ARHGAP44: variants seen among roughly 807,000 people sequenced by gnomAD.
ARHGAP44 encodes rho GTPase-activating protein 44.
Under a neutral mutation model 106.8 loss-of-function variants are expected in ARHGAP44, and 43 were observed. That is an observed-to-expected ratio of 0.40 (90% CI 0.32 to 0.52). ARHGAP44 has a LOEUF of 0.52. Among genes scored for constraint, ARHGAP44 ranks in the 20% least tolerant of loss-of-function variants. The probability of loss-of-function intolerance (pLI) is 0.48; values close to 1 mark genes in which losing one functional copy is unlikely to be tolerated. For missense variants in ARHGAP44, 866 were observed against 1,050.5 expected, an observed-to-expected ratio of 0.82 and a Z score of 2.43; for synonymous variants, 439 against 410.3, an observed-to-expected ratio of 1.07 and a Z score of -0.85.
chr17:12,810,713 C>T (rs760227247), intron 1 of ARHGAP44, among the ~76,000 whole-genome samples: 12 of 152,146 alleles, frequency 7.9e-5, no homozygotes, highest in Admixed American at 3.3e-4. Flanking sequence ...TGCAATTCCA[C>T]GAGGAATCCC....
At chr17:12,890,358 A>G (rs901110189) in intron 1 of ARHGAP44, among the ~76,000 whole-genome samples, 2 of 152,206 alleles carry the variant, frequency 1.3e-5, no homozygotes, top group African/African-American at 4.8e-5. Context: ...AACTCTGTGC[A>G]CCAGCAGAGT....
chr17:12,973,648 T>TC (rs199821124), intron 17 of ARHGAP44: 57 of 483,226 alleles, frequency 1.2e-4, no homozygotes, highest in African/African-American at 9.6e-4. Context: ...AGTTCCACGC[T>TC]CCCCCCTTCG....
At chr17:12,903,085 AG>A (rs2037423293) in intron 3 of ARHGAP44, among the ~76,000 whole-genome samples, 1 of 48,720 alleles carries the variant, frequency 2.1e-5, no homozygotes, top group African/African-American at 7.1e-5. Flanking sequence ...GGAATATATG[AG>A]AGAGAGAGAG....
chr17:12,972,540 C>A (rs1429716162), intron 16 of ARHGAP44, among the ~76,000 whole-genome samples: 1 of 151,650 alleles, frequency 6.6e-6, no homozygotes, highest in Non-Finnish European at 1.5e-5. Flanking sequence ...CCCAGCTACT[C>A]GGGAGGCTGA....
At chr17:12,842,038 G>A (rs1291543390) in intron 1 of ARHGAP44, among the ~76,000 whole-genome samples, 3 of 151,956 alleles carry the variant, frequency 2.0e-5, no homozygotes, top group Non-Finnish European at 4.4e-5. Context: ...AATACAGACA[G>A]CAGTGTTATG....
intron 6 of ARHGAP44, among the ~76,000 whole-genome samples, chr17:12,924,083 G>C (rs2038165331): frequency 6.6e-6 from 1 of 152,172 alleles, no homozygotes; most frequent in South Asian, 2.1e-4. Context: ...ATTCCACATA[G>C]AGACCCTCCG....
At chr17:12,981,555 A>C (rs1231240488) in intron 19 of ARHGAP44, among the ~76,000 whole-genome samples, 2 of 151,644 alleles carry the variant, frequency 1.3e-5, no homozygotes, top group Non-Finnish European at 2.9e-5. Flanking sequence ...CTACCACCAC[A>C]CCTGGCTAAT....
chr17:12,975,820 A>C (rs7502636), intron 18 of ARHGAP44, among the ~76,000 whole-genome samples: 1 of 134,864 alleles, frequency 7.4e-6, no homozygotes, highest in Admixed American at 7.7e-5. Context: ...AAAAAAAAGA[A>C]AAAAAGACAT....
intron 1 of ARHGAP44, among the ~76,000 whole-genome samples, chr17:12,802,069 G>A (rs950716077): frequency 3.9e-5 from 6 of 152,140 alleles, no homozygotes; most frequent in Non-Finnish European, 7.3e-5. Context: ...TGGAAGGGAC[G>A]TGATGTCAGA....
rs565632710 is a variant in ARHGAP44 at position 12,883,453 on chromosome 17, T to C, written c.54-11487T>C. Among the ~76,000 whole-genome samples, 9 of 152,032 alleles carry C rather than the reference T, an allele frequency of 5.9e-5. 1 individual carries two copies. In the South Asian group the frequency reaches 1.9e-3, roughly 32 times the overall value. ...TTCTTAAATATTTTCTTAAATATTT[T>C]CAGCTTCTTAAATATTTTCAGCTTC... On this transcript the variant is annotated intron_variant, in intron 1 of 20. Transcript: ENST00000379672.
At chr17:12,881,911 G>A (rs970326647) in intron 1 of ARHGAP44, among the ~76,000 whole-genome samples, 1 of 152,086 alleles carries the variant, frequency 6.6e-6, no homozygotes, top group African/African-American at 2.4e-5. Flanking sequence ...GGCTGGTCAA[G>A]ACCAGTCTTG....
At chr17:12,952,186 T>G (rs1232275097) in intron 12 of ARHGAP44, among the ~76,000 whole-genome samples, 1 of 152,170 alleles carries the variant, frequency 6.6e-6, no homozygotes, top group Non-Finnish European at 1.5e-5. Flanking sequence ...GCCCATGGGC[T>G]GAGCTCCCTG....
chr17:12,810,615 C>A (rs2034408890), intron 1 of ARHGAP44, among the ~76,000 whole-genome samples: 1 of 152,088 alleles, frequency 6.6e-6, no homozygotes, highest in Non-Finnish European at 1.5e-5. Context: ...ATCAATCATG[C>A]ATATGGGATG....
chr17:12,859,599 T>C (rs944102517), intron 1 of ARHGAP44, among the ~76,000 whole-genome samples: 1 of 152,264 alleles, frequency 6.6e-6, no homozygotes, highest in African/African-American at 2.4e-5. Flanking sequence ...TAATATTTCC[T>C]GAGATGTCTC....
At chr17:12,883,557 TTG>T (rs72244085) in intron 1 of ARHGAP44, among the ~76,000 whole-genome samples, 20,133 of 152,002 alleles carry the variant, frequency 0.13, 1,961 homozygotes, top group East Asian at 0.34. Flanking sequence ...AGTATTTTCA[TTG>T]TCTTTCAACT....
chr17:12,913,347 C>G (rs1317476932), intron 4 of ARHGAP44, among the ~76,000 whole-genome samples: 2 of 151,342 alleles, frequency 1.3e-5, no homozygotes, highest in Non-Finnish European at 2.9e-5. Flanking sequence ...AACAAGCAAG[C>G]CAAAACAAGG....
At chr17:12,975,744 G>T (rs1343240041) in intron 18 of ARHGAP44, among the ~76,000 whole-genome samples, 1 of 133,358 alleles carries the variant, frequency 7.5e-6, no homozygotes, top group African/African-American at 2.9e-5. Context: ...CTTGCAGTGA[G>T]CCCGGATCGC....
In ARHGAP44 at chr17:12,977,756, C is replaced by T. The variant is rs112498758; in HGVS notation, c.1764-2302C>T. Among the ~76,000 whole-genome samples, 848 of 152,038 alleles carry T rather than the reference C, an allele frequency of 5.6e-3. 6 individuals are homozygous for T. Among genetic ancestry groups the T allele is most frequent in the African/African-American group, 0.019 (801 of 41,478 alleles). ...GTTTCTGTGCTGGAGGAAGTGTGTC[C>T]GGGCCGGGCGTGGTAGCTCACGCCT... On this transcript the variant is annotated intron_variant, in intron 18 of 20. Coordinates refer to ENST00000379672, the MANE Select transcript of ARHGAP44 (RefSeq NM_014859.6).
intron 20 of ARHGAP44, chr17:12,987,302 G>A (rs1167792258): frequency 1.6e-6 from 1 of 636,920 alleles, no homozygotes; most frequent in Non-Finnish European, 2.5e-6. Flanking sequence ...GCAAGGATGA[G>A]TTGATCCATG....
Sources: allele counts gnomAD v4.1 joint callset (sites outside exome capture counted in the v4.1 genomes callset), GRCh38; gene constraint gnomAD v4.1.1; transcripts MANE v1.5; gene names NCBI Gene and HGNC (gene_info 2026-07-23, HGNC 2026-07-21).